Variants in MUSK observed in about 807,000 individuals in gnomAD.
The protein encoded by MUSK is muscle associated receptor tyrosine kinase, also known as muscle, skeletal receptor tyrosine-protein kinase.
In MUSK, 55 loss-of-function variants were observed where a neutral mutation model predicts 88.7. The observed-to-expected ratio is 0.62, with a 90% CI of 0.50 to 0.78. The LOEUF (loss-of-function observed/expected upper bound fraction) is 0.78, where lower values mean the gene tolerates loss of function less well. MUSK is among the 30% of genes least tolerant of loss of function. The pLI, the probability that MUSK is intolerant of heterozygous loss-of-function variation, is 0.00. For synonymous variants in MUSK, 387 were observed against 391.9 expected, an observed-to-expected ratio of 0.99 and a Z score of 0.15; for missense variants, 1,015 against 1,074.3, an observed-to-expected ratio of 0.94 and a Z score of 0.77.
rs1426913683 is a variant in MUSK at position 110,805,849 on chromosome 9, A to G, written c.*4861A>G. ...ATATTTGCATCAATATTAAGTTCATAAAATTAAAAGTTTATCATTTTCATC... is the reference window on the plus strand; with the variant it reads ...ATATTTGCATCAATATTAAGTTCATGAAATTAAAAGTTTATCATTTTCATC... On this transcript the variant is annotated 3_prime_UTR_variant, in exon 15 of 15. Transcript: ENST00000374448. 6.6e-6 allele frequency among the ~76,000 whole-genome samples: 1 copy of G among 150,772 alleles called. No homozygotes were observed. Among genetic ancestry groups the G allele is most frequent in the East Asian group, 1.9e-4 (1 of 5,170 alleles).
chr9:110,732,822 T>C (rs1207341223), intron 5 of MUSK, among the ~76,000 whole-genome samples: 1 of 152,116 alleles, frequency 6.6e-6, no homozygotes, highest in Non-Finnish European at 1.5e-5. Flanking sequence ...CACATTTCTA[T>C]ATCTAAAATA....
intron 6 of MUSK, among the ~76,000 whole-genome samples, chr9:110,740,366 C>A (rs1416923091): frequency 6.6e-6 from 1 of 152,146 alleles, no homozygotes; most frequent in Non-Finnish European, 1.5e-5. Flanking sequence ...GATGGCTTCA[C>A]ATGGTTATCT....
At chr9:110,682,407 G>T (rs2076145545) in intron 1 of MUSK, among the ~76,000 whole-genome samples, 1 of 151,468 alleles carries the variant, frequency 6.6e-6, no homozygotes. Context: ...GCACAAACTT[G>T]GGCCCCATAA....
chr9:110,685,534 T>C (rs1432797341), intron 2 of MUSK, among the ~76,000 whole-genome samples: 2 of 152,138 alleles, frequency 1.3e-5, no homozygotes, highest in African/African-American at 4.8e-5. Flanking sequence ...CAGCTAAATA[T>C]CTGAGTTCAT....
chr9:110,800,022 G>C (rs1190062656), intron 14 of MUSK, among the ~76,000 whole-genome samples: 1 of 152,156 alleles, frequency 6.6e-6, no homozygotes, highest in Non-Finnish European at 1.5e-5. Context: ...GATGCACCAT[G>C]TACGATGTAC....
chr9:110,732,130 A>C (rs2076972772), intron 5 of MUSK, among the ~76,000 whole-genome samples: 1 of 152,106 alleles, frequency 6.6e-6, no homozygotes, highest in African/African-American at 2.4e-5. Context: ...TGTTACTAGA[A>C]CAGTTTTCTA....
At chr9:110,798,882 TTTTC>T (rs1190557017) in intron 14 of MUSK, among the ~76,000 whole-genome samples, 2 of 152,166 alleles carry the variant, frequency 1.3e-5, no homozygotes, top group African/African-American at 4.8e-5. Context: ...TTGTATAGTA[TTTTC>T]TTTATCAGAG....
intron 9 of MUSK, among the ~76,000 whole-genome samples, chr9:110,772,598 T>C (rs2077595339): frequency 6.6e-6 from 1 of 152,016 alleles, no homozygotes; most frequent in African/African-American, 2.4e-5. Context: ...TATAAAGACT[T>C]AGTCTCTTCC....
intron 9 of MUSK, among the ~76,000 whole-genome samples, chr9:110,772,868 A>T (rs2077601471): frequency 6.6e-6 from 1 of 152,084 alleles, no homozygotes; most frequent in African/African-American, 2.4e-5. Context: ...TTATTCATCA[A>T]ACTAGTTCAG....
intron 5 of MUSK, among the ~76,000 whole-genome samples, chr9:110,708,142 T>G (rs1336114868): frequency 7.0e-6 from 1 of 143,670 alleles, no homozygotes; most frequent in Non-Finnish European, 1.5e-5. Context: ...CTATCTATCA[T>G]GTCACAGAAG....
chr9:110,735,438 T>C (rs966051710), intron 6 of MUSK, among the ~76,000 whole-genome samples: 3 of 152,148 alleles, frequency 2.0e-5, no homozygotes, highest in Non-Finnish European at 4.4e-5. Flanking sequence ...CAGGACATTA[T>C]GTTAAGTGAA....
chr9:110,701,684 ACTTTACT>A (rs1277595165), intron 5 of MUSK, among the ~76,000 whole-genome samples: 1 of 4,068 alleles, frequency 2.5e-4, no homozygotes, highest in Non-Finnish European at 3.9e-4. Context: ...TATTTTTTTT[ACTTTACT>A]TTATTTTATT....
intron 1 of MUSK, among the ~76,000 whole-genome samples, chr9:110,676,938 T>C (rs1304164871): frequency 2.6e-5 from 4 of 152,156 alleles, no homozygotes; most frequent in Non-Finnish European, 5.9e-5. Context: ...AGAAGCTCTC[T>C]CTTCAGCTGC....
chr9:110,761,636 C>T (rs1205867827), intron 7 of MUSK, among the ~76,000 whole-genome samples: 7 of 132,794 alleles, frequency 5.3e-5, no homozygotes, highest in African/African-American at 2.0e-4. Context: ...TGCACTGGCG[C>T]GATCTTGGTT....
intron 11 of MUSK, among the ~76,000 whole-genome samples, chr9:110,784,283 C>A (rs2132020699): frequency 6.6e-6 from 1 of 152,176 alleles, no homozygotes; most frequent in East Asian, 1.9e-4. Flanking sequence ...AACAGTAATG[C>A]TGATTTTACT....
rs1564268928 is a variant in MUSK at position 110,755,968 on chromosome 9, A to ATG, written c.914-6233_914-6232insGT. On this transcript the variant is annotated intron_variant, in intron 7 of 14. Coordinates refer to ENST00000374448, the MANE Select transcript of MUSK (RefSeq NM_005592.4). ...TATATATACACATATATATATACAT[A>ATG]TATATATATACATATATATATATAT... 5.0e-4 allele frequency among the ~76,000 whole-genome samples: 27 copies of ATG among 53,930 alleles called. 1 individual carries two copies. The East Asian group carries it at 0.017, about 34-fold the overall frequency. 35.4% of individuals were successfully genotyped at this position (53,930 alleles called of 152,430 possible). A position where few individuals can be genotyped will look rare whatever the true frequency, so the allele number is the denominator to read the frequency against.
At chr9:110,678,400 T>A (rs1427191010) in intron 1 of MUSK, among the ~76,000 whole-genome samples, 1 of 152,158 alleles carries the variant, frequency 6.6e-6, no homozygotes, top group Non-Finnish European at 1.5e-5. Context: ...TGCCTCAGCC[T>A]CCCAAAGTGT....
At chr9:110,689,958 A>G (rs898860657) in intron 3 of MUSK, among the ~76,000 whole-genome samples, 22 of 74,938 alleles carry the variant, frequency 2.9e-4, no homozygotes, top group African/African-American at 9.6e-4. Context: ...AAATATAAAT[A>G]TATATTTATA....
At chr9:110,774,870 C>T (rs1297314136) in intron 9 of MUSK, among the ~76,000 whole-genome samples, 14 of 135,000 alleles carry the variant, frequency 1.0e-4, no homozygotes, top group African/African-American at 3.7e-4. Flanking sequence ...TATATATACA[C>T]ACACACACAC....
Sources: allele counts gnomAD v4.1 joint callset (sites outside exome capture counted in the v4.1 genomes callset), GRCh38; gene constraint gnomAD v4.1.1; transcripts MANE v1.5; gene names NCBI Gene and HGNC (gene_info 2026-07-23, HGNC 2026-07-21).